The following WIPF1 variants were observed in gnomAD, a reference collection of about 807,000 sequenced individuals.
WIPF1 encodes the protein WAS/WASL interacting protein family member 1.
WIPF1 carries 13 observed loss-of-function variants against 35.4 expected under a neutral mutation model. The observed-to-expected ratio is 0.37, with a 90% CI of 0.24 to 0.58. The LOEUF (loss-of-function observed/expected upper bound fraction) is 0.58. WIPF1 is among the 20% of genes least tolerant of loss of function. The probability of loss-of-function intolerance (pLI) is 0.74; values close to 1 mark genes in which losing one functional copy is unlikely to be tolerated. For synonymous variants in WIPF1, 267 were observed against 266.3 expected (o/e 1.00, Z -0.02); for missense variants, 591 against 667.0 (o/e 0.89, Z 1.25).
At chr2:174,667,073 C>T (rs536696351) in intron 1 of WIPF1, among the ~76,000 whole-genome samples, 1 of 152,366 alleles carries the variant, frequency 6.6e-6, no homozygotes, top group East Asian at 1.9e-4. Context: ...TTTGTTTTAG[C>T]TTCTGCTCCT....
intron 1 of WIPF1, among the ~76,000 whole-genome samples, chr2:174,657,328 A>G (rs896689616): frequency 6.6e-6 from 1 of 152,222 alleles, no homozygotes; most frequent in Admixed American, 6.5e-5. Context: ...AAAATTATCA[A>G]TGTATGTCTA....
intron 1 of WIPF1, among the ~76,000 whole-genome samples, chr2:174,681,707 G>A (rs1688248291): frequency 6.6e-6 from 1 of 152,118 alleles, no homozygotes; most frequent in South Asian, 2.1e-4. Context: ...GGGGTCCAGA[G>A]ACGATCCAGG....
At chr2:174,606,517 G>C (rs1686169513) in intron 1 of WIPF1, among the ~76,000 whole-genome samples, 1 of 152,188 alleles carries the variant, frequency 6.6e-6, no homozygotes, top group Non-Finnish European at 1.5e-5. Flanking sequence ...TGACACGCAG[G>C]CCCCATCTTA....
At chr2:174,658,229 C>G (rs1249652153) in intron 1 of WIPF1, among the ~76,000 whole-genome samples, 1 of 152,160 alleles carries the variant, frequency 6.6e-6, no homozygotes, top group Non-Finnish European at 1.5e-5. Flanking sequence ...GAGAGATTAT[C>G]ATGGTCAACC....
intron 1 of WIPF1, among the ~76,000 whole-genome samples, chr2:174,646,628 T>C (rs1687414309): frequency 6.6e-6 from 1 of 152,162 alleles, no homozygotes; most frequent in Non-Finnish European, 1.5e-5. Flanking sequence ...AAGAACTTTC[T>C]TTCTTTCTTT....
intron 1 of WIPF1, among the ~76,000 whole-genome samples, chr2:174,642,917 CCTTAA>C (rs1687329655): frequency 6.7e-6 from 1 of 149,520 alleles, no homozygotes; most frequent in Non-Finnish European, 1.5e-5. Flanking sequence ...TAAATAAAAG[CCTTAA>C]CTTATTTAAG....
intron 3 of WIPF1, among the ~76,000 whole-genome samples, chr2:174,580,107 C>T (rs1000032380): frequency 1.3e-5 from 2 of 152,078 alleles, no homozygotes; most frequent in Non-Finnish European, 2.9e-5. Context: ...TGTGCCACCA[C>T]ACCTGGCTAA....
intron 1 of WIPF1, among the ~76,000 whole-genome samples, chr2:174,629,329 A>C (rs28458405): frequency 6.6e-6 from 1 of 151,720 alleles, no homozygotes; most frequent in Non-Finnish European, 1.5e-5. Flanking sequence ...CCTCTTAAAC[A>C]GTTTTATTCT....
chr2:174,637,735 C>T (rs924389672), intron 1 of WIPF1, among the ~76,000 whole-genome samples: 10 of 152,158 alleles, frequency 6.6e-5, no homozygotes, highest in African/African-American at 1.2e-4. Context: ...TGCAGTGAGT[C>T]GAGATTGCGC....
At chr2:174,641,040 TA>T (rs1194192799) in intron 1 of WIPF1, among the ~76,000 whole-genome samples, 1 of 152,088 alleles carries the variant, frequency 6.6e-6, no homozygotes, top group Middle Eastern at 3.2e-3. Context: ...TGTACTAGAA[TA>T]AAAACAGACA....
chr2:174,595,002 C>T (rs1390419267), intron 1 of WIPF1, among the ~76,000 whole-genome samples: 1 of 144,662 alleles, frequency 6.9e-6, no homozygotes, highest in African/African-American at 2.6e-5. Context: ...ATAATCCCAG[C>T]ACTCTGGGAG....
chr2:174,616,992 A>T (rs1359982580), intron 1 of WIPF1, among the ~76,000 whole-genome samples: 1 of 152,006 alleles, frequency 6.6e-6, no homozygotes, highest in East Asian at 1.9e-4. Flanking sequence ...TTTTTTTAAT[A>T]GGAAGACAGG....
intron 1 of WIPF1, among the ~76,000 whole-genome samples, chr2:174,635,650 G>A (rs1309854309): frequency 6.6e-6 from 1 of 150,756 alleles, no homozygotes; most frequent in Non-Finnish European, 1.5e-5. Context: ...CCTGGACCAA[G>A]GGGAATATTC....
intron 1 of WIPF1, among the ~76,000 whole-genome samples, chr2:174,675,187 G>T (rs1034174937): frequency 6.6e-5 from 10 of 152,114 alleles, no homozygotes; most frequent in African/African-American, 2.2e-4. Context: ...TATAAGCAAG[G>T]AGAAAGTTCA....
At chr2:174,664,373 A>C (rs1687844607) in intron 1 of WIPF1, among the ~76,000 whole-genome samples, 1 of 152,154 alleles carries the variant, frequency 6.6e-6, no homozygotes, top group Non-Finnish European at 1.5e-5. Flanking sequence ...ATGCCCCCTT[A>C]GTGCTGGGTT....
At chr2:174,640,609 G>T (rs1053107274) in intron 1 of WIPF1, among the ~76,000 whole-genome samples, 2 of 151,542 alleles carry the variant, frequency 1.3e-5, no homozygotes, top group African/African-American at 2.4e-5. Context: ...ATGTATGTAT[G>T]TATTTATTTA....
intron 1 of WIPF1, among the ~76,000 whole-genome samples, chr2:174,604,974 G>T (rs1266039224): frequency 1.3e-5 from 2 of 152,324 alleles, no homozygotes; most frequent in Middle Eastern, 3.4e-3. Flanking sequence ...GAGATGTAGT[G>T]AGACTTATTC....
upstream of WIPF1, among the ~76,000 whole-genome samples, chr2:174,600,814 T>A (rs1336823667): frequency 1.3e-5 from 2 of 152,118 alleles, no homozygotes; most frequent in East Asian, 3.8e-4. Flanking sequence ...GTTTGACTGC[T>A]GTTGCTTCAG....
At chr2:174,679,748 C>T (rs1688211775) in intron 1 of WIPF1, among the ~76,000 whole-genome samples, 2 of 152,188 alleles carry the variant, frequency 1.3e-5, no homozygotes, top group East Asian at 1.9e-4. Context: ...GGCTTTGGTA[C>T]ACCTAGAGTT....
Sources: gnomAD v4.1 joint callset for allele counts (sites outside exome capture counted in the v4.1 genomes callset) on GRCh38, gnomAD v4.1.1 for gene constraint, MANE v1.5 for transcripts, NCBI Gene and HGNC (gene_info 2026-07-23, HGNC 2026-07-21) for gene names.